Variants in RNF150 observed in about 807,000 individuals in gnomAD.
RNF150 encodes ring finger protein 150.
In RNF150, 24 loss-of-function variants were observed where a neutral mutation model predicts 39.3. The observed-to-expected ratio is 0.61, with a 90% CI of 0.44 to 0.86. RNF150 has a LOEUF of 0.86. RNF150 is among the 40% of genes least tolerant of loss of function. The pLI is 0.00. For missense variants in RNF150, 502 were observed against 587.8 expected, an observed-to-expected ratio of 0.85 and a Z score of 1.51; for synonymous variants, 255 against 227.3, an observed-to-expected ratio of 1.12 and a Z score of -1.10.
intron 1 of RNF150, among the ~76,000 whole-genome samples, chr4:141,138,747 A>G (rs1410233572): frequency 6.6e-6 from 1 of 152,180 alleles, no homozygotes; most frequent in Non-Finnish European, 1.5e-5. Flanking sequence ...CTGAGCCACA[A>G]TCTTCTCTTC....
At chr4:140,899,120 A>G (rs1426109990) in intron 6 of RNF150, among the ~76,000 whole-genome samples, 1 of 152,190 alleles carries the variant, frequency 6.6e-6, no homozygotes, top group Non-Finnish European at 1.5e-5. Flanking sequence ...TAATAGGAAC[A>G]TTCAAAACAT....
intron 1 of RNF150, among the ~76,000 whole-genome samples, chr4:141,061,456 T>C (rs530976048): frequency 1.3e-5 from 2 of 152,266 alleles, no homozygotes; most frequent in African/African-American, 4.8e-5. Flanking sequence ...ACAGAAACAA[T>C]TCTTGAAAAT....
At chr4:141,198,948 G>A (rs573104387) in intron 1 of RNF150, among the ~76,000 whole-genome samples, 1 of 152,132 alleles carries the variant, frequency 6.6e-6, no homozygotes, top group African/African-American at 2.4e-5. Flanking sequence ...TTACAGACTG[G>A]AAGAAAATAT....
At chr4:140,952,714 A>C (rs2111384359) in intron 2 of RNF150, among the ~76,000 whole-genome samples, 1 of 152,328 alleles carries the variant, frequency 6.6e-6, no homozygotes, top group Non-Finnish European at 1.5e-5. Flanking sequence ...TGGCATTTGT[A>C]TGACTGGGCC....
upstream of RNF150, among the ~76,000 whole-genome samples, chr4:141,134,629 A>G (rs1726995658): frequency 6.6e-6 from 1 of 152,248 alleles, no homozygotes; most frequent in Non-Finnish European, 1.5e-5. Context: ...AATTAGAAGC[A>G]GGCACAAGAA....
In RNF150 at chr4:141,126,447, GT is replaced by G. The variant is rs1244247407; in HGVS notation, c.484+5877del. Among the ~76,000 whole-genome samples the G allele has an allele frequency of 3.9e-5, 6 of 152,270 alleles. No individual in the cohort carries two copies. In the East Asian group the frequency reaches 9.7e-4, roughly 24 times the overall value. On this transcript the variant is annotated intron_variant, in intron 1 of 6. Transcript: ENST00000515673. ...TAAACACTTCTATTCTTATGAATTT[GT>G]TTTTCCTGTGCTGAACCAAGTCTGT...
At chr4:141,129,185 A>G (rs1188468638) in intron 1 of RNF150, among the ~76,000 whole-genome samples, 1 of 152,250 alleles carries the variant, frequency 6.6e-6, no homozygotes, top group Non-Finnish European at 1.5e-5. Flanking sequence ...TATTTTTCAT[A>G]ACAATTAAAA....
intron 1 of RNF150, among the ~76,000 whole-genome samples, chr4:141,155,686 G>T (rs1316561768): frequency 6.6e-6 from 1 of 152,074 alleles, no homozygotes; most frequent in East Asian, 1.9e-4. Context: ...TCAAAATTTG[G>T]CTGTATATGT....
At chr4:140,990,839 G>A (rs565645637) in intron 1 of RNF150, among the ~76,000 whole-genome samples, 8 of 152,198 alleles carry the variant, frequency 5.3e-5, no homozygotes, top group Non-Finnish European at 1.2e-4. Flanking sequence ...ATATTCCTTT[G>A]GGTATATACC....
chr4:140,933,752 A>G (rs1411499603), intron 4 of RNF150, among the ~76,000 whole-genome samples: 1 of 152,220 alleles, frequency 6.6e-6, no homozygotes. Context: ...TGAACTTCAC[A>G]TCATTAAGTT....
intron 1 of RNF150, among the ~76,000 whole-genome samples, chr4:141,124,471 C>A (rs1726700039): frequency 6.6e-6 from 1 of 152,214 alleles, no homozygotes; most frequent in Non-Finnish European, 1.5e-5. Context: ...GAAGAACATT[C>A]CATGCATCTT....
chr4:140,921,588 A>G (rs956936674), intron 5 of RNF150, among the ~76,000 whole-genome samples: 1 of 152,160 alleles, frequency 6.6e-6, no homozygotes, highest in African/African-American at 2.4e-5. Context: ...AATCAATACA[A>G]AAAGAGGGAA....
At chr4:140,988,640 C>CCCCCTT (rs1734090735) in intron 1 of RNF150, among the ~76,000 whole-genome samples, 1 of 137,348 alleles carries the variant, frequency 7.3e-6, no homozygotes, top group Non-Finnish European at 1.6e-5. Flanking sequence ...CCTCCCCCTT[C>CCCCCTT]CCCCCACCCC....
chr4:141,049,890 A>G (rs1437883524), intron 1 of RNF150, among the ~76,000 whole-genome samples: 6 of 152,182 alleles, frequency 3.9e-5, no homozygotes, highest in African/African-American at 1.2e-4. Flanking sequence ...GATAAATGTG[A>G]TAAGGAAATG....
At chr4:140,875,096 A>G (rs1244733110) in intron 6 of RNF150, among the ~76,000 whole-genome samples, 4 of 151,846 alleles carry the variant, frequency 2.6e-5, no homozygotes, top group Non-Finnish European at 2.9e-5. Flanking sequence ...TAATAGTAAG[A>G]GTTGGAAACA....
At chr4:141,166,855 C>T (rs551690965) in intron 1 of RNF150, among the ~76,000 whole-genome samples, 53 of 152,138 alleles carry the variant, frequency 3.5e-4, no homozygotes, top group Non-Finnish European at 7.1e-4. Context: ...TGGGCAAAAG[C>T]TGGATGCATT....
chr4:141,185,598 G>C lies in RNF150; in HGVS notation c.-6+27196C>G, dbSNP rs1727993352. Among the ~76,000 whole-genome samples the C allele has an allele frequency of 3.3e-5, 5 of 152,128 alleles. No homozygotes were observed. The South Asian group carries it at 1.0e-3, about 32-fold the overall frequency. ...AGGAGTGGTGAGAGAGGGCATCCTT[G>C]TCTTGTGCCAGTTTTCAAAGGGAAT... On this transcript the variant is annotated intron_variant, in intron 1 of 7. Coordinates refer to the RNF150 transcript ENST00000420921.
chr4:140,911,030 A>T, intron 6 of RNF150, 114 bp downstream of exon 6: 1 of 819,200 alleles, frequency 1.2e-6, no homozygotes, highest in East Asian at 2.5e-5. Flanking sequence ...TGATGAACCT[A>T]GCAATGATGT....
At chr4:141,183,057 G>A (rs34567574) in intron 1 of RNF150, among the ~76,000 whole-genome samples, 11,731 of 152,206 alleles carry the variant, frequency 0.077, 592 homozygotes, top group Non-Finnish European at 0.12. Context: ...TTAAAGAAAA[G>A]AGACTCATTA....
Sources: allele counts gnomAD v4.1 joint callset (sites outside exome capture counted in the v4.1 genomes callset), GRCh38; gene constraint gnomAD v4.1.1; transcripts MANE v1.5; gene names NCBI Gene and HGNC (gene_info 2026-07-23, HGNC 2026-07-21).